Variants in MYH3 observed in about 807,000 individuals in gnomAD.
MYH3 encodes myosin-3.
Under a neutral mutation model 238.0 loss-of-function variants are expected in MYH3, and 130 were observed. That is an observed-to-expected ratio of 0.55 (90% CI 0.47 to 0.63). The LOEUF is 0.63. Among genes scored for constraint, MYH3 ranks in the 30% least tolerant of loss-of-function variants. The pLI, the probability that MYH3 is intolerant of heterozygous loss-of-function variation, is 0.00. For synonymous variants in MYH3, 880 were observed against 924.1 expected (o/e 0.95, Z 0.86); for missense variants, 1,853 against 2,374.9 (o/e 0.78, Z 4.57).
chr17:10,640,017 G>T lies in MYH3; in HGVS notation c.2661C>A (p.Asp887Glu). Residue 887 changes from aspartate to glutamate, a missense_variant, in exon 22 of 41, where the codon GAC (aspartate) becomes GAA (glutamate). Asp to Glu is a conservative substitution (Grantham distance 45). Coordinates refer to ENST00000583535, the MANE Select transcript of MYH3 (RefSeq NM_002470.4). Reference sequence around the variant, plus strand: ...GTACAGCTTGTACTTGGAGCTGCAGGTCATTCTTCTCTTGGACCAGAGTCA... The same window carrying T: ...GTACAGCTTGTACTTGGAGCTGCAGTTCATTCTTCTCTTGGACCAGAGTCA... ...KLVTLVQEKN[D>E]LQLQVQAESE... 2 of 1,613,708 alleles carry T rather than the reference G, an allele frequency of 1.2e-6. No homozygotes were observed. Among genetic ancestry groups the T allele is most frequent in the Non-Finnish European group, 1.7e-6 (2 of 1,179,992 alleles).
chr17:10,673,724 C>A, the MYH3 span: 7 of 152,334 alleles, frequency 4.6e-5, no homozygotes, highest in South Asian at 1.4e-3. Flanking sequence ...CATGGAAAGA[C>A]TGCACTGAGC....
At chr17:10,670,520 G>A in the MYH3 span, among the ~76,000 whole-genome samples, 2 of 152,048 alleles carry the variant, frequency 1.3e-5, no homozygotes, top group Non-Finnish European at 2.9e-5. The surrounding 1 kb of genome is among the most constrained non-coding windows in gnomAD (Gnocchi z 7.0). Context: ...TGTTGCCCAG[G>A]CTTGTTTTGA....
intron 5 of MYH3, among the ~76,000 whole-genome samples, chr17:10,650,876 G>A (rs1026075337): frequency 6.6e-6 from 1 of 152,078 alleles, no homozygotes; most frequent in African/African-American, 2.4e-5. Flanking sequence ...ACTCAGAGAG[G>A]GCAAGTCTCC....
upstream of MYH3, among the ~76,000 whole-genome samples, chr17:10,660,982 ATTTTT>A (rs769646114): frequency 6.9e-6 from 1 of 144,256 alleles, no homozygotes; most frequent in East Asian, 2.1e-4. Flanking sequence ...GAGACTCCTT[ATTTTT>A]TTTTTTGAGA....
the MYH3 span, among the ~76,000 whole-genome samples, chr17:10,667,829 T>C: frequency 1.3e-5 from 2 of 152,086 alleles, no homozygotes; most frequent in African/African-American, 4.8e-5. Context: ...TCAGACACTA[T>C]TGAAAATGAT....
chr17:10,663,597 G>A, the MYH3 span, among the ~76,000 whole-genome samples: 4 of 152,156 alleles, frequency 2.6e-5, no homozygotes, highest in African/African-American at 9.7e-5. Context: ...ATCAGACATT[G>A]ATGGATTTCT....
At chr17:10,649,221 T>C (rs558909871) in intron 7 of MYH3, among the ~76,000 whole-genome samples, 15 of 152,340 alleles carry the variant, frequency 9.8e-5, no homozygotes, top group African/African-American at 3.6e-4. Flanking sequence ...TTGTCCGTAT[T>C]CATTTCATGC....
At position 10,635,017 on chromosome 17, in the gene MYH3, T is replaced by A. The variant is rs1271370553; in HGVS notation, c.4179A>T (p.Lys1393Asn). The A allele has an allele frequency of 6.2e-7, 1 of 1,614,042 alleles. No homozygotes were observed. The highest frequency in any genetic ancestry group is 8.5e-7 in the Non-Finnish European group (1 of 1,179,974). The change falls in exon 31 of 41, where the codon AAA (lysine) becomes AAT (asparagine). Residue 1393 changes from lysine (K) to asparagine (N), a missense_variant. Coordinates refer to ENST00000583535, the MANE Select transcript of MYH3 (RefSeq NM_002470.4). ...RTEELEEAKK[K>N]LAQRLQDSEE... ...CGGAATCTTGAAGGCGCTGAGCAAG[T>A]TTTTTCCTTAAAGAATATGAAAGAG...
intron 5 of MYH3, among the ~76,000 whole-genome samples, chr17:10,651,041 C>T (rs7210843): frequency 0.63 from 95,600 of 151,654 alleles, 32,032 homozygotes; most frequent in Non-Finnish European, 0.77. Flanking sequence ...TAAAAATAGC[C>T]GGACATGGTG....
chr17:10,669,513 G>T, the MYH3 span, among the ~76,000 whole-genome samples: 1 of 150,672 alleles, frequency 6.6e-6, no homozygotes, highest in African/African-American at 2.4e-5. Context: ...GTTGTACTGA[G>T]CTGAGACCAC....
rs1277546093 is a variant in MYH3, at chr17:10,634,334, C to T, written c.4357-152G>A. ...GTCGATTATTGGGCTAATCAAGATTCTGTTCCATAAATGTACTCAAGGTAA... is the reference window on the plus strand; with the variant it reads ...GTCGATTATTGGGCTAATCAAGATTTTGTTCCATAAATGTACTCAAGGTAA... On this transcript the variant is annotated intron_variant, in intron 31 of 40. Transcript: ENST00000583535. The T allele has an allele frequency of 8.7e-6, 8 of 919,650 alleles. No homozygotes were observed. The Admixed American group carries it at 1.6e-4, about 18-fold the overall frequency. 57.0% of individuals were successfully genotyped at this position (919,650 alleles called of 1,614,324 possible).
rs752323461 is a variant in MYH3 at position 10,635,503 on chromosome 17, C to T, written c.4036G>A (p.Glu1346Lys). 1 of 1,614,096 alleles carries T rather than the reference C, an allele frequency of 6.2e-7. No homozygotes were observed. The highest frequency in any genetic ancestry group is 1.3e-5 in the African/African-American group (1 of 74,940). The part of the protein sequence containing the change: ...SSRHDCDLLR[E>K]QYEEEQEGKA... ...CCTTCCTGCTCCTCCTCATACTGTT[C>T]CCGCAGCAGGTCACAGTCGTGGCGG... is the stretch of plus-strand genomic sequence containing the variant. The change falls in exon 30 of 41, where the codon GAA (glutamate) becomes AAA (lysine). Residue 1346 changes from glutamate to lysine, a missense_variant. Transcript: ENST00000583535.
chr17:10,641,805 T>C (rs996384449), intron 17 of MYH3, among the ~76,000 whole-genome samples: 2 of 152,302 alleles, frequency 1.3e-5, no homozygotes, highest in East Asian at 1.9e-4. Flanking sequence ...TGAGCCACTG[T>C]GCCCGGCCTA....
rs754751938 is a variant in MYH3 at position 10,631,664 on chromosome 17, C to T, written c.5233G>A (p.Ala1745Thr). The T allele has an allele frequency of 4.5e-5, 73 of 1,614,030 alleles. No individual in the cohort carries two copies. The highest frequency in any genetic ancestry group is 3.3e-5 in the Admixed American group (2 of 59,994). ...LMQLQSEVEDASRDARNAEEK... is the reference protein window; with the variant it reads ...LMQLQSEVEDTSRDARNAEEK... The stretch of plus-strand genomic sequence containing the variant: ...TCAGCGTTCCTTGCATCCCTGCTGG[C>T]ATCTTCTACCTCACTCTGGAGCTGC... The change falls in exon 36 of 41, where the codon GCC becomes ACC. Residue 1745 changes from alanine (A) to threonine (T), a missense_variant. Physicochemically the swap from Ala to Thr is moderately conservative, Grantham distance 58. Transcript: ENST00000583535.
In MYH3 at chr17:10,631,615, G is replaced by T. The variant is rs201596402; in HGVS notation, c.5282C>A (p.Thr1761Lys). ...AGCAGGAAGGAGACGCCTTACGTCC[G>T]TGATGGCCTTCTTGGCCTTCTCCTC... Reference protein sequence around the residue: ...NAEEKAKKAITDAAMMAEELK... With the variant: ...NAEEKAKKAIKDAAMMAEELK... Residue 1761 changes from threonine (T) to lysine (K), a missense_variant, in exon 36 of 41, where the codon ACG becomes AAG. By Grantham distance (78) the Thr-to-Lys change is moderately conservative. Around this residue, in one of 3 missense-constraint regions of MYH3, gnomAD observed 1,044 missense variants for 1,192.6 expected, o/e 0.88. Transcript: ENST00000583535. The T allele has an allele frequency of 9.3e-6, 15 of 1,614,174 alleles. No individual in the cohort carries two copies. In the African/African-American group the frequency reaches 1.7e-4, roughly 19 times the overall value.
chr17:10,669,134 C>T, the MYH3 span, among the ~76,000 whole-genome samples: 7 of 152,154 alleles, frequency 4.6e-5, no homozygotes, highest in Non-Finnish European at 7.4e-5. Context: ...CCCAGGATGT[C>T]CTGCTGCCCC....
chr17:10,661,265 CCG>C (rs2074478348), upstream of MYH3, among the ~76,000 whole-genome samples: 1 of 138,194 alleles, frequency 7.2e-6, no homozygotes, highest in Non-Finnish European at 1.5e-5. Flanking sequence ...GTGTGAGCCA[CCG>C]CACCCAGCCT....
At chr17:10,675,091 A>T in the MYH3 span, 1 of 152,194 alleles carries the variant, frequency 6.6e-6, no homozygotes, top group Non-Finnish European at 1.5e-5. Context: ...TGCCTCTCAA[A>T]GCTGTGGCAA....
the MYH3 span, among the ~76,000 whole-genome samples, chr17:10,668,888 T>G: frequency 6.6e-6 from 1 of 152,242 alleles, no homozygotes; most frequent in Non-Finnish European, 1.5e-5. Context: ...TTGCCCTTTT[T>G]CTCTTAAGAT....
Sources: allele counts gnomAD v4.1 joint callset (sites outside exome capture counted in the v4.1 genomes callset), GRCh38; gene constraint gnomAD v4.1.1; regional missense constraint gnomAD v4.1.1; non-coding constraint Gnocchi (gnomAD v3.1); transcripts MANE v1.5; gene names NCBI Gene and HGNC (gene_info 2026-07-23, HGNC 2026-07-21).